Variants in ABR observed in about 807,000 individuals in gnomAD.
ABR encodes ABR activator of RhoGEF and GTPase, also known as active breakpoint cluster region-related protein.
ABR carries 35 observed loss-of-function variants against 107.2 expected under a neutral mutation model. The ratio of observed to expected loss-of-function variants is 0.33; its 90% CI spans 0.25 to 0.43. ABR has a LOEUF of 0.43. Ranked by LOEUF, ABR falls within the 20% of genes least tolerant of loss-of-function variation. The pLI, the probability that ABR is intolerant of heterozygous loss-of-function variation, is 1.00. For synonymous variants in ABR, 498 were observed against 462.0 expected (o/e 1.08, Z -1.00); for missense variants, 815 against 1,115.2 (o/e 0.73, Z 3.83).
In ABR at chr17:1,050,790, T is replaced by A. The variant is rs1428028600; in HGVS notation, c.1562-156A>T. Among the ~76,000 whole-genome samples, 1 of 152,062 alleles carries A rather than the reference T, an allele frequency of 6.6e-6. No individual in the cohort carries two copies. Among genetic ancestry groups the A allele is most frequent in the Non-Finnish European group, 1.5e-5 (1 of 68,004 alleles). On this transcript the variant is annotated intron_variant, in intron 14 of 22. Coordinates refer to ENST00000302538, the MANE Select transcript of ABR (RefSeq NM_021962.5). The surrounding 1 kb of genome is among the most constrained non-coding windows in gnomAD (Gnocchi z 4.6). ...CTCCTCCCTGAAGCCCGGGACCATC[T>A]GGCTTCTCCCCTGCCCCCTTCTTAG...
rs531050420 is a variant in ABR, at chr17:1,123,952, C to G, written c.246+1231G>C. Among the ~76,000 whole-genome samples, 312 of 152,324 alleles carry G rather than the reference C, an allele frequency of 2.0e-3. 1 individual carries two copies. Among genetic ancestry groups the G allele is most frequent in the African/African-American group, 7.1e-3 (297 of 41,578 alleles). On this transcript the variant is annotated intron_variant, in intron 2 of 22. Coordinates refer to ENST00000302538, the MANE Select transcript of ABR (RefSeq NM_021962.5). ...CAGGTCAACAACACACTGACCAACCCCCTCGCCGGCCCCCTTGCCTCCCAC... is the reference window on the plus strand; with the variant it reads ...CAGGTCAACAACACACTGACCAACCGCCTCGCCGGCCCCCTTGCCTCCCAC...
At chr17:1,097,590 C>CAAAA (rs57256346) in intron 3 of ABR, among the ~76,000 whole-genome samples, 22 of 104,738 alleles carry the variant, frequency 2.1e-4, no homozygotes, top group African/African-American at 4.6e-4. Context: ...GACTCCGTCT[C>CAAAA]AAAAAAAAAA....
upstream of ABR, among the ~76,000 whole-genome samples, chr17:1,183,729 C>T (rs570828491): frequency 5.9e-5 from 9 of 152,250 alleles, no homozygotes; most frequent in Admixed American, 1.3e-4. Flanking sequence ...CAGAGGTCAC[C>T]GCTGATGACA....
chr17:1,029,879 G>A lies in ABR; in HGVS notation c.1792-16715C>T, dbSNP rs989940617. Among the ~76,000 whole-genome samples the A allele has an allele frequency of 4.7e-5, 7 of 150,440 alleles. No individual in the cohort carries two copies. In the South Asian group the frequency reaches 6.4e-4, roughly 14 times the overall value. ...CGTCCACCACAGCGCTGACCCCTGC[G>A]TCCACGACACGGACACACTGTGGCA... On this transcript the variant is annotated intron_variant, in intron 16 of 22. Coordinates refer to ENST00000302538, the MANE Select transcript of ABR (RefSeq NM_021962.5).
intron 1 of ABR, chr17:1,126,207 A>AT (rs2039593323): frequency 6.6e-6 from 1 of 152,260 alleles, no homozygotes; most frequent in Non-Finnish European, 1.5e-5. Context: ...AGGGCTTCAC[A>AT]TTTTCCAAAA....
chr17:1,115,437 C>T (rs1054560562), intron 2 of ABR: 1 of 152,292 alleles, frequency 6.6e-6, no homozygotes, highest in Non-Finnish European at 1.5e-5. Flanking sequence ...CACCTCCAGA[C>T]TGTATGAAGC....
chr17:1,101,573 C>T (rs762636940), intron 2 of ABR, among the ~76,000 whole-genome samples: 5 of 152,034 alleles, frequency 3.3e-5, no homozygotes, highest in African/African-American at 7.3e-5. Flanking sequence ...TACCGCAAAA[C>T]GCGAGTACTT....
At chr17:1,021,548 G>A (rs1274092454) in intron 16 of ABR, among the ~76,000 whole-genome samples, 7 of 152,264 alleles carry the variant, frequency 4.6e-5, no homozygotes, top group South Asian at 2.1e-4. Flanking sequence ...GCTCACGCCT[G>A]TCATCCCAGC....
At chr17:1,044,054 G>A (rs1000100108) in intron 16 of ABR, among the ~76,000 whole-genome samples, 14 of 152,374 alleles carry the variant, frequency 9.2e-5, no homozygotes, top group East Asian at 3.9e-4. Flanking sequence ...AAGAAGGGCC[G>A]GACCCTGGGA....
intron 18 of ABR, 154 bp from the exon 19 acceptor site, chr17:1,012,139 G>GAGGAGCAGACGATCTGGGATCTCA: frequency 8.2e-7 from 1 of 1,222,978 alleles, no homozygotes; most frequent in East Asian, 2.5e-5. Flanking sequence ...AGAGGCCACC[G>GAGGAGCAGACGATCTGGGATCTCA]CACCCCACCC....
intron 1 of ABR, among the ~76,000 whole-genome samples, chr17:1,170,594 G>A (rs954609302): frequency 1.3e-5 from 2 of 151,992 alleles, no homozygotes; most frequent in African/African-American, 2.4e-5. Context: ...CTGCCACCAT[G>A]CCTGGCTAAT....
chr17:1,109,539 C>G (rs988169416), intron 2 of ABR, among the ~76,000 whole-genome samples: 1 of 151,962 alleles, frequency 6.6e-6, no homozygotes, highest in Non-Finnish European at 1.5e-5. Flanking sequence ...GAGGCCGCGG[C>G]CGGGCCGGGG....
At chr17:1,044,199 A>AC (rs1555545869) in intron 16 of ABR, among the ~76,000 whole-genome samples, 1 of 151,778 alleles carries the variant, frequency 6.6e-6, no homozygotes, top group Non-Finnish European at 1.5e-5. Context: ...GAGCCGGTGG[A>AC]GGGGGGGCTC....
At chr17:1,121,923 G>A (rs1477115880) in intron 2 of ABR, among the ~76,000 whole-genome samples, 2 of 152,194 alleles carry the variant, frequency 1.3e-5, no homozygotes, top group African/African-American at 2.4e-5. Flanking sequence ...ATTTTCTTGA[G>A]ATGGAGTCTC....
chr17:1,018,838 TAGCAGAC>T (rs2071405689), intron 16 of ABR, among the ~76,000 whole-genome samples: 1 of 152,214 alleles, frequency 6.6e-6, no homozygotes, highest in African/African-American at 2.4e-5. Context: ...ATGATCATGA[TAGCAGAC>T]ATATGCGGTT....
chr17:1,163,356 A>G (rs902683323), intron 1 of ABR, among the ~76,000 whole-genome samples: 22 of 152,216 alleles, frequency 1.4e-4, no homozygotes, highest in African/African-American at 4.1e-4. Context: ...AATTCCATAG[A>G]AACTTTTCTT....
chr17:1,223,021 G>A (rs1397242587), intron 1 of ABR, among the ~76,000 whole-genome samples: 1 of 152,008 alleles, frequency 6.6e-6, no homozygotes, highest in Non-Finnish European at 1.5e-5. Context: ...GGACAACATG[G>A]CGAAACCCCG....
intron 2 of ABR, among the ~76,000 whole-genome samples, chr17:1,122,045 G>T (rs1341986865): frequency 1.3e-5 from 2 of 152,176 alleles, no homozygotes; most frequent in African/African-American, 2.4e-5. Context: ...TGGGATTACA[G>T]GCATGTGCCA....
At chr17:1,209,200 TAC>T (rs1026457207) in intron 1 of ABR, among the ~76,000 whole-genome samples, 2 of 152,104 alleles carry the variant, frequency 1.3e-5, no homozygotes, top group African/African-American at 4.8e-5. Context: ...AAATCAGACA[TAC>T]AGTGTTTTAC....
Sources: allele counts gnomAD v4.1 joint callset (sites outside exome capture counted in the v4.1 genomes callset), GRCh38; gene constraint gnomAD v4.1.1; non-coding constraint Gnocchi (gnomAD v3.1); transcripts MANE v1.5; gene names NCBI Gene and HGNC (gene_info 2026-07-23, HGNC 2026-07-21).